The following MECOM variants were observed in gnomAD, a reference collection of about 807,000 sequenced individuals.
MECOM encodes the protein histone-lysine N-methyltransferase MECOM.
Under a neutral mutation model 116.3 loss-of-function variants are expected in MECOM, and 13 were observed. The ratio of observed to expected loss-of-function variants is 0.11; its 90% CI spans 0.07 to 0.18. The LOEUF is 0.18. Among genes scored for constraint, MECOM ranks in the 10% least tolerant of loss-of-function variants. The pLI is 1.00. For synonymous variants in MECOM, 528 were observed against 535.2 expected (o/e 0.99, Z 0.19); for missense variants, 1,299 against 1,509.0 (o/e 0.86, Z 2.31).
At position 169,116,220 on chromosome 3, in the gene MECOM, A is replaced by C; in HGVS notation, c.1652T>G (p.Val551Gly). 1 of 1,614,158 alleles carries C rather than the reference A, an allele frequency of 6.2e-7. No individual in the cohort carries two copies. The highest frequency in any genetic ancestry group is 8.5e-7 in the Non-Finnish European group (1 of 1,180,020). ...ILKALSKHPS[V>G]GDNKPVELQP... ...GAGCTCCACTGGCTTATTGTCCCCT[A>C]CAGATGGGTGTTTAGATAGTGCCTT... Residue 551 changes from valine (V) to glycine (G), a missense_variant, in exon 8 of 17, where the codon GTA becomes GGA. Physicochemically the swap from Val to Gly is moderately radical, Grantham distance 109 (BLOSUM62 -3). This residue lies in a region of MECOM where 238 missense variants were observed against 273.1 expected (regional missense o/e 0.87). Transcript: ENST00000651503.
At chr3:169,256,974 C>T (rs1293465993) in intron 2 of MECOM, among the ~76,000 whole-genome samples, 1 of 152,156 alleles carries the variant, frequency 6.6e-6, no homozygotes, top group Non-Finnish European at 1.5e-5. Context: ...GCTGAGCAAA[C>T]AGAAACAGCT....
At chr3:169,416,897 T>C (rs1315656467) in intron 1 of MECOM, among the ~76,000 whole-genome samples, 1 of 152,204 alleles carries the variant, frequency 6.6e-6, no homozygotes, top group Non-Finnish European at 1.5e-5. Flanking sequence ...GAAAACTGGC[T>C]GGCCATATGT....
At chr3:169,294,277 C>T (rs994553392) in intron 2 of MECOM, among the ~76,000 whole-genome samples, 3 of 151,898 alleles carry the variant, frequency 2.0e-5, no homozygotes, top group East Asian at 3.9e-4. Context: ...CATTAGGTTC[C>T]GTATTTTAAG....
At chr3:169,299,787 G>A (rs1193766373) in intron 2 of MECOM, among the ~76,000 whole-genome samples, 2 of 152,168 alleles carry the variant, frequency 1.3e-5, no homozygotes, top group Non-Finnish European at 2.9e-5. Context: ...TGTACCTCAA[G>A]TTCTGATGCT....
chr3:169,482,118 G>T (rs1048816813), intron 1 of MECOM, among the ~76,000 whole-genome samples: 2 of 151,766 alleles, frequency 1.3e-5, no homozygotes, highest in Non-Finnish European at 2.9e-5. Flanking sequence ...TGAAATAACA[G>T]TTTCTTTTAC....
intron 1 of MECOM, among the ~76,000 whole-genome samples, chr3:169,659,182 G>A (rs570513869): frequency 6.6e-6 from 1 of 151,938 alleles, no homozygotes; most frequent in African/African-American, 2.4e-5. Flanking sequence ...GCAGGAAGCC[G>A]GCCCCAGGGC....
At chr3:169,356,663 G>A (rs976573799) in intron 2 of MECOM, among the ~76,000 whole-genome samples, 5 of 151,966 alleles carry the variant, frequency 3.3e-5, no homozygotes, top group African/African-American at 9.6e-5. Context: ...TTCTATACTC[G>A]CTCAGCAATG....
intron 2 of MECOM, among the ~76,000 whole-genome samples, chr3:169,204,058 A>G (rs1336304072): frequency 6.6e-6 from 1 of 152,186 alleles, no homozygotes; most frequent in Non-Finnish European, 1.5e-5. Flanking sequence ...TTGAGCTATC[A>G]AATTGTTCAA....
intron 2 of MECOM, among the ~76,000 whole-genome samples, chr3:169,172,145 AT>A (rs1348128955): frequency 2.6e-5 from 4 of 151,826 alleles, no homozygotes; most frequent in Admixed American, 2.6e-4. Context: ...AAAAAAAAAA[AT>A]CTTCCCATGA....
intron 1 of MECOM, among the ~76,000 whole-genome samples, chr3:169,516,572 C>T (rs1328974223): frequency 1.3e-5 from 2 of 152,120 alleles, no homozygotes; most frequent in Non-Finnish European, 2.9e-5. Context: ...AGCGTGCATT[C>T]TCTTGACTCG....
rs141957464 is a variant in MECOM at position 169,115,463 on chromosome 3, G to C, written c.2409C>G (p.Ser803Arg). Reference sequence around the variant, plus strand: ...CTGAAGCAGGTCTTGATTCGACGTTGCTTCCTTTTTTTCCCCCAAACACGT... The same window carrying C: ...CTGAAGCAGGTCTTGATTCGACGTTCCTTCCTTTTTTTCCCCCAAACACGT... The part of the protein sequence containing the change: ...KNHVFGGKKG[S>R]NVESRPASDG... Residue 803 changes from serine (S) to arginine (R), a missense_variant, in exon 8 of 17, where the codon AGC (serine) becomes AGG (arginine). Around this residue, in one of 6 missense-constraint regions of MECOM, gnomAD observed 340 missense variants for 312.6 expected, o/e 1.09. Transcript: ENST00000651503. 1.2e-6 allele frequency: 2 copies of C among 1,614,140 alleles called. No individual in the cohort carries two copies. Among genetic ancestry groups the C allele is most frequent in the South Asian group, 1.1e-5 (1 of 91,078 alleles).
chr3:169,636,382 A>T (rs1160566115), intron 1 of MECOM, among the ~76,000 whole-genome samples: 1 of 151,930 alleles, frequency 6.6e-6, no homozygotes, highest in Non-Finnish European at 1.5e-5. Context: ...AGAAACTACC[A>T]CTCTTTTCTA....
chr3:169,235,829 A>G (rs1753982257), intron 2 of MECOM, among the ~76,000 whole-genome samples: 2 of 151,622 alleles, frequency 1.3e-5, no homozygotes, highest in South Asian at 2.1e-4. Flanking sequence ...AATAATTACT[A>G]TCTCCCAAAT....
intron 1 of MECOM, among the ~76,000 whole-genome samples, chr3:169,638,753 G>A (rs1369726576): frequency 6.6e-6 from 1 of 152,128 alleles, no homozygotes; most frequent in Non-Finnish European, 1.5e-5. Context: ...CTGCGTGGGT[G>A]GGATTAACAT....
At chr3:169,131,948 C>T in intron 3 of MECOM, 1 of 994,888 alleles carries the variant, frequency 1.0e-6, no homozygotes, top group Non-Finnish European at 1.2e-6. Context: ...TGTACCTTCC[C>T]CACTTAAGCA....
intron 1 of MECOM, among the ~76,000 whole-genome samples, chr3:169,635,572 A>G (rs980771924): frequency 2.6e-5 from 4 of 152,186 alleles, no homozygotes; most frequent in African/African-American, 7.2e-5. Context: ...GCATTTCCAC[A>G]TTTCTATCAA....
At chr3:169,471,268 A>C (rs1220190765) in intron 1 of MECOM, among the ~76,000 whole-genome samples, 1 of 152,098 alleles carries the variant, frequency 6.6e-6, no homozygotes, top group Admixed American at 6.6e-5. Context: ...CTGGGGTTAC[A>C]GGCATGAGCC....
chr3:169,252,006 G>T (rs1055274012), intron 2 of MECOM, among the ~76,000 whole-genome samples: 1 of 152,040 alleles, frequency 6.6e-6, no homozygotes, highest in Non-Finnish European at 1.5e-5. Flanking sequence ...TGAGGTTATG[G>T]TGTTGGAAAT....
At chr3:169,188,493 A>AG (rs1160699175) in intron 2 of MECOM, among the ~76,000 whole-genome samples, 1 of 152,064 alleles carries the variant, frequency 6.6e-6, no homozygotes, top group Non-Finnish European at 1.5e-5. Flanking sequence ...GAGTAATCCG[A>AG]GGGGTAATTA....
Sources: allele counts gnomAD v4.1 joint callset (sites outside exome capture counted in the v4.1 genomes callset), GRCh38; gene constraint gnomAD v4.1.1; regional missense constraint gnomAD v4.1.1; transcripts MANE v1.5; gene names NCBI Gene and HGNC (gene_info 2026-07-23, HGNC 2026-07-21).